The following CADM2 variants were observed in gnomAD, a reference collection of about 807,000 sequenced individuals.
The protein encoded by CADM2 is immunoglobulin superfamily member 4D.
CADM2 carries 12 observed loss-of-function variants against 49.8 expected under a neutral mutation model. That is an observed-to-expected ratio of 0.24 (90% CI 0.15 to 0.39). The LOEUF is 0.39. Ranked by LOEUF, CADM2 falls within the 10% of genes least tolerant of loss-of-function variation. The pLI is 1.00. For missense variants in CADM2, 378 were observed against 492.3 expected, an observed-to-expected ratio of 0.77 and a Z score of 2.20; for synonymous variants, 214 against 175.4, an observed-to-expected ratio of 1.22 and a Z score of -1.74.
intron 1 of CADM2, among the ~76,000 whole-genome samples, chr3:85,523,209 C>A (rs1164935205): frequency 1.3e-5 from 2 of 152,120 alleles, no homozygotes; most frequent in East Asian, 3.9e-4. Context: ...AGAAAGCCTT[C>A]AATATATGGT....
intron 1 of CADM2, among the ~76,000 whole-genome samples, chr3:85,139,648 A>G (rs1158020093): frequency 6.6e-6 from 1 of 152,172 alleles, no homozygotes; most frequent in Non-Finnish European, 1.5e-5. Flanking sequence ...AAAGAAGCTT[A>G]AGGAAAATAT....
At chr3:85,615,167 G>A (rs1334242727) in intron 1 of CADM2, among the ~76,000 whole-genome samples, 3 of 151,660 alleles carry the variant, frequency 2.0e-5, no homozygotes, top group Admixed American at 2.0e-4. Context: ...TGGCCTAGAT[G>A]TCTTTGTGCC....
At chr3:85,527,265 A>T (rs997213244) in intron 1 of CADM2, among the ~76,000 whole-genome samples, 11 of 151,510 alleles carry the variant, frequency 7.3e-5, no homozygotes, top group African/African-American at 2.7e-4. Context: ...TCATGTCTAT[A>T]CTTCCATCTA....
chr3:85,870,497 T>A (rs1442852658), intron 3 of CADM2, among the ~76,000 whole-genome samples: 1 of 152,106 alleles, frequency 6.6e-6, no homozygotes, highest in Non-Finnish European at 1.5e-5. Flanking sequence ...AGTGAGAAAA[T>A]GCTGTATTTT....
intron 1 of CADM2, among the ~76,000 whole-genome samples, chr3:85,589,039 C>T (rs191719772): frequency 6.6e-6 from 1 of 152,022 alleles, no homozygotes; most frequent in Non-Finnish European, 1.5e-5. Flanking sequence ...TGCATTATGT[C>T]AGATTTATAC....
chr3:85,459,768 A>G (rs1451301364), intron 1 of CADM2, among the ~76,000 whole-genome samples: 1 of 152,184 alleles, frequency 6.6e-6, no homozygotes, highest in Non-Finnish European at 1.5e-5. Flanking sequence ...TTTTGAAGCG[A>G]GACTAAAAAG....
intron 1 of CADM2, among the ~76,000 whole-genome samples, chr3:85,256,041 C>G (rs1437872627): frequency 6.6e-6 from 1 of 151,956 alleles, no homozygotes; most frequent in African/African-American, 2.4e-5. Flanking sequence ...ATAAGGAATT[C>G]TAAATATACA....
At chr3:85,149,419 A>G (rs2107643114) in intron 1 of CADM2, among the ~76,000 whole-genome samples, 1 of 152,300 alleles carries the variant, frequency 6.6e-6, no homozygotes, top group East Asian at 1.9e-4. Context: ...GGACTAAAGC[A>G]AAGACATATA....
chr3:86,010,032 C>T (rs938532555), intron 8 of CADM2, among the ~76,000 whole-genome samples: 3 of 151,526 alleles, frequency 2.0e-5, no homozygotes, highest in Non-Finnish European at 4.4e-5. Flanking sequence ...CTGGAAAGTC[C>T]GACATTAACT....
chr3:85,405,375 A>G (rs1462629140), intron 1 of CADM2, among the ~76,000 whole-genome samples: 3 of 152,120 alleles, frequency 2.0e-5, no homozygotes, highest in Non-Finnish European at 4.4e-5. Context: ...TATCCTTACC[A>G]TAGCTATTAT....
chr3:85,862,657 A>G (rs374583273), intron 3 of CADM2, among the ~76,000 whole-genome samples: 3 of 152,148 alleles, frequency 2.0e-5, no homozygotes, highest in East Asian at 3.9e-4. Context: ...TTTTCTTTCT[A>G]TAAAATGCAT....
chr3:85,370,666 C>T (rs1392622813), intron 1 of CADM2, among the ~76,000 whole-genome samples: 6 of 152,088 alleles, frequency 3.9e-5, no homozygotes, highest in African/African-American at 7.2e-5. Context: ...ATTTACTATA[C>T]TATGCTTCTA....
chr3:85,464,940 C>G (rs1283245212), intron 1 of CADM2, among the ~76,000 whole-genome samples: 1 of 151,986 alleles, frequency 6.6e-6, no homozygotes, highest in Non-Finnish European at 1.5e-5. Flanking sequence ...ACAAGGTCAG[C>G]AGATCAAGAC....
At position 85,027,109 on chromosome 3, in the gene CADM2, C is replaced by CT. The variant is rs1160735135; in HGVS notation, c.61+67464dup. Among the ~76,000 whole-genome samples, 512 of 55,646 alleles carry CT rather than the reference C, an allele frequency of 9.2e-3. 18 individuals are homozygous for CT. Among genetic ancestry groups the CT allele is most frequent in the East Asian group, 0.056 (135 of 2,430 alleles). The allele number at this position is 55,646 out of a possible 152,430, so 36.5% of individuals were successfully genotyped here. A position where few individuals can be genotyped will look rare whatever the true frequency, so the allele number is the denominator to read the frequency against. On this transcript the variant is annotated intron_variant, in intron 1 of 9. Coordinates refer to ENST00000383699, the MANE Select transcript of CADM2 (RefSeq NM_001167675.2). ...TGGTTGTTGTTGCTTTTTCTTTTTC[C>CT]TTTTTTTTTTTTTTTTTTTTTTTAA...
intron 6 of CADM2, among the ~76,000 whole-genome samples, chr3:85,932,364 C>A (rs1175253964): frequency 6.6e-6 from 1 of 152,178 alleles, no homozygotes; most frequent in South Asian, 2.1e-4. Flanking sequence ...AGTGAACATG[C>A]CACATAGGTG....
At chr3:85,321,091 C>CAT (rs1227890094) in intron 1 of CADM2, among the ~76,000 whole-genome samples, 8,280 of 64,506 alleles carry the variant, frequency 0.13, 717 homozygotes, top group Middle Eastern at 0.2. Context: ...TAGATATATA[C>CAT]ATATATATAT....
intron 1 of CADM2, among the ~76,000 whole-genome samples, chr3:85,088,187 G>C (rs2037455795): frequency 6.6e-6 from 1 of 152,012 alleles, no homozygotes; most frequent in Non-Finnish European, 1.5e-5. Flanking sequence ...TCTGCTTGCT[G>C]GCCCAAGCAC....
chr3:85,704,595 T>C (rs912403367), intron 1 of CADM2, among the ~76,000 whole-genome samples: 1 of 152,112 alleles, frequency 6.6e-6, no homozygotes, highest in Non-Finnish European at 1.5e-5. Flanking sequence ...ATGAGGGCTC[T>C]ACCTCATAAC....
chr3:85,459,593 A>G (rs865780040), intron 1 of CADM2, among the ~76,000 whole-genome samples: 8 of 152,224 alleles, frequency 5.3e-5, no homozygotes, highest in South Asian at 4.1e-4. Flanking sequence ...ATGCTGAAAT[A>G]AACTATATTT....
Sources: gnomAD v4.1 joint callset for allele counts (sites outside exome capture counted in the v4.1 genomes callset) on GRCh38, gnomAD v4.1.1 for gene constraint, MANE v1.5 for transcripts, NCBI Gene and HGNC (gene_info 2026-07-23, HGNC 2026-07-21) for gene names.